Variants in TLCD3B observed in about 807,000 individuals in gnomAD.
TLCD3B encodes the protein TLC domain containing 3B.
Under a neutral mutation model 23.0 loss-of-function variants are expected in TLCD3B, and 9 were observed. That is an observed-to-expected ratio of 0.39 (90% CI 0.24 to 0.68). The LOEUF is 0.68. Among genes scored for constraint, TLCD3B ranks in the 30% least tolerant of loss-of-function variants. The pLI, the probability that TLCD3B is intolerant of heterozygous loss-of-function variation, is 0.44. For synonymous variants in TLCD3B, 161 were observed against 161.0 expected, an observed-to-expected ratio of 1.00 and a Z score of 0.00; for missense variants, 307 against 371.8, an observed-to-expected ratio of 0.83 and a Z score of 1.43.
At position 30,025,508 on chromosome 16, in the gene TLCD3B, C is replaced by T. The variant is rs1596730700; in HGVS notation, c.541-41G>A. 6.2e-7 allele frequency: 1 copy of T among 1,605,158 alleles called. No individual in the cohort carries two copies. Among genetic ancestry groups the T allele is most frequent in the Middle Eastern group, 1.7e-4 (1 of 6,030 alleles). On this transcript the variant is annotated intron_variant, in intron 4 of 4. Coordinates refer to ENST00000380495, the MANE Select transcript of TLCD3B (RefSeq NM_031478.6). The surrounding 1 kb of genome is among the most constrained non-coding windows in gnomAD (Gnocchi z 4.1). ...CACAGTGGCCACGGCAGCAGAAGGGCTCGGCCCCCCTTGGCCCTCTCCCTG... is the reference window on the plus strand; with the variant it reads ...CACAGTGGCCACGGCAGCAGAAGGGTTCGGCCCCCCTTGGCCCTCTCCCTG...
upstream of TLCD3B, among the ~76,000 whole-genome samples, chr16:30,032,183 G>C (rs1379682077): frequency 6.6e-6 from 1 of 152,078 alleles, no homozygotes; most frequent in South Asian, 2.1e-4. Context: ...GACTGGGCCC[G>C]GGTGGAGCTG....
upstream of TLCD3B, chr16:30,035,621 C>A: frequency 7.4e-6 from 5 of 677,808 alleles, no homozygotes; most frequent in Non-Finnish European, 1.0e-5. Context: ...AGCCACCAGG[C>A]AAACCTCTTC....
chr16:30,045,662 T>C (rs1482462605), intron 2 of TLCD3B, among the ~76,000 whole-genome samples: 2 of 144,474 alleles, frequency 1.4e-5, no homozygotes. Context: ...GGTGTGTGTA[T>C]GGTGTGTGTG....
upstream of TLCD3B, among the ~76,000 whole-genome samples, chr16:30,035,766 C>CT (rs34249003): frequency 0.04 from 5,477 of 137,162 alleles, 332 homozygotes; most frequent in African/African-American, 0.13. Flanking sequence ...TTTCTTTTTT[C>CT]TTTTTTTTTT....
chr16:30,035,303 C>G, upstream of TLCD3B: 1 of 1,285,066 alleles, frequency 7.8e-7, no homozygotes, highest in Non-Finnish European at 1.0e-6. Context: ...AAGATCAGTT[C>G]CACCAGCCAT....
At chr16:30,052,518 G>A (rs998230442) in intron 1 of TLCD3B, among the ~76,000 whole-genome samples, 22 of 151,398 alleles carry the variant, frequency 1.5e-4, no homozygotes, top group Admixed American at 1.2e-3. Flanking sequence ...TCAACATTGC[G>A]AAACCCTGTC....
chr16:30,030,228 A>C, intron 1 of TLCD3B, 175 bp downstream of exon 1: 1 of 1,214,062 alleles, frequency 8.2e-7, no homozygotes, highest in Non-Finnish European at 1.2e-6. Flanking sequence ...GAGGTCTCCC[A>C]GAACAGTGAG....
intron 1 of TLCD3B, chr16:30,030,149 G>A: frequency 1.3e-6 from 2 of 1,485,592 alleles, no homozygotes; most frequent in East Asian, 5.5e-5. Flanking sequence ...GTTTTGGAGG[G>A]TGGGAGGGTG....
At chr16:30,048,937 A>G (rs2071712269) in intron 1 of TLCD3B, among the ~76,000 whole-genome samples, 1 of 151,932 alleles carries the variant, frequency 6.6e-6, no homozygotes. Context: ...TGCCCAGCTA[A>G]TTTTTGTATT....
chr16:30,038,259 G>A (rs1480725855), intron 3 of TLCD3B, among the ~76,000 whole-genome samples: 1 of 151,964 alleles, frequency 6.6e-6, no homozygotes, highest in African/African-American at 2.4e-5. Flanking sequence ...TTAGACTACA[G>A]GTCAGACATT....
intron 1 of TLCD3B, among the ~76,000 whole-genome samples, chr16:30,049,668 C>A (rs2071722129): frequency 6.6e-6 from 1 of 152,164 alleles, no homozygotes; most frequent in Non-Finnish European, 1.5e-5. Flanking sequence ...TAGCTCACAT[C>A]TGTAACCCAG....
At chr16:30,048,255 A>G (rs2071703112) in intron 1 of TLCD3B, among the ~76,000 whole-genome samples, 1 of 151,940 alleles carries the variant, frequency 6.6e-6, no homozygotes, top group Non-Finnish European at 1.5e-5. Flanking sequence ...ACACATGAAA[A>G]TTAGAAAACA....
intron 2 of TLCD3B, chr16:30,027,572 A>G (rs1300633107): frequency 2.2e-6 from 1 of 455,942 alleles, no homozygotes; most frequent in African/African-American, 2.0e-5. Context: ...AAAGTCACCC[A>G]ATCTCTTGTC....
intron 3 of TLCD3B, among the ~76,000 whole-genome samples, chr16:30,040,823 T>C (rs1371163793): frequency 6.6e-6 from 1 of 151,884 alleles, no homozygotes; most frequent in Non-Finnish European, 1.5e-5. Flanking sequence ...ACCTGGCTAA[T>C]CTGGGGAGGT....
intron 2 of TLCD3B, among the ~76,000 whole-genome samples, chr16:30,028,646 G>C (rs2071248341): frequency 6.6e-6 from 1 of 152,198 alleles, no homozygotes. Flanking sequence ...TCATCTTCGG[G>C]AAAAGAGGAG....
rs771806327 is a variant in TLCD3B, at chr16:30,025,704, G to C, written c.540+22C>G. The C allele has an allele frequency of 3.1e-6, 5 of 1,611,682 alleles. No individual in the cohort carries two copies. The South Asian group carries it at 5.5e-5, about 18-fold the overall frequency. On this transcript the variant is annotated intron_variant, in intron 4 of 4. Coordinates refer to ENST00000380495, the MANE Select transcript of TLCD3B (RefSeq NM_031478.6). The surrounding 1 kb of genome is among the most constrained non-coding windows in gnomAD (Gnocchi z 4.1). ...CCTGTGACCTCCCCATTGGGCTCCT[G>C]CACCCTCCCATGCTCACTCACCTGG... is the stretch of plus-strand genomic sequence containing the variant.
At chr16:30,047,763 AT>A (rs538919957) in intron 1 of TLCD3B, among the ~76,000 whole-genome samples, 116 of 145,000 alleles carry the variant, frequency 8.0e-4, no homozygotes, top group Admixed American at 1.2e-3. Flanking sequence ...GTGGCCTATA[AT>A]TTTTTTTTTT....
rs2071278885 is a variant in TLCD3B, at chr16:30,029,295, G to A, written c.209+137C>T. ...CCCTGGGTGTTGAGTTGCGGTTATT[G>A]CAGTTAACTTGCTCAGGCCCAAGTT... On this transcript the variant is annotated intron_variant, in intron 2 of 4. Coordinates refer to ENST00000380495, the MANE Select transcript of TLCD3B (RefSeq NM_031478.6). The surrounding 1 kb of genome is among the most constrained non-coding windows in gnomAD (Gnocchi z 4.6). The A allele has an allele frequency of 1.6e-5, 11 of 703,686 alleles. No individual in the cohort carries two copies. The highest frequency in any genetic ancestry group is 1.2e-4 in the South Asian group (7 of 60,650). 43.6% of individuals were successfully genotyped at this position (703,686 alleles called of 1,614,324 possible).
At chr16:30,036,107 C>T (rs971608845), upstream of TLCD3B, 6 of 1,242,240 alleles carry the variant, frequency 4.8e-6, no homozygotes, top group South Asian at 2.7e-5. Context: ...CTGCATGCCC[C>T]GCCCGCCGCC....
Sources: gnomAD v4.1 joint callset for allele counts (sites outside exome capture counted in the v4.1 genomes callset) on GRCh38, gnomAD v4.1.1 for gene constraint, Gnocchi (gnomAD v3.1) non-coding constraint, MANE v1.5 for transcripts, NCBI Gene and HGNC (gene_info 2026-07-23, HGNC 2026-07-21) for gene names.